The following PREX2 variants were observed in gnomAD, a reference collection of about 807,000 sequenced individuals.
PREX2 encodes the protein phosphatidylinositol-3,4,5-trisphosphate dependent Rac exchange factor 2.
In PREX2, 107 loss-of-function variants were observed where a neutral mutation model predicts 203.2. The observed-to-expected ratio is 0.53, with a 90% CI of 0.45 to 0.62. The LOEUF (loss-of-function observed/expected upper bound fraction) is 0.62, where lower values mean the gene tolerates loss of function less well. PREX2 is among the 20% of genes least tolerant of loss of function. The pLI is 0.00. For missense variants in PREX2, 1,777 were observed against 1,955.9 expected (o/e 0.91, Z 1.72); for synonymous variants, 672 against 663.6 (o/e 1.01, Z -0.19).
chr8:68,083,326 C>G lies in PREX2; in HGVS notation c.1965C>G (p.Phe655Leu). 6.2e-7 allele frequency: 1 copy of G among 1,611,314 alleles called. No homozygotes were observed. Among genetic ancestry groups the G allele is most frequent in the Non-Finnish European group, 8.5e-7 (1 of 1,178,100 alleles). ...FMRPFNEVDC[F>L]LKSCLNSRKP... is the part of the protein sequence containing the mutation. Reference sequence around the variant, plus strand: ...GACCTTTCAATGAAGTGGATTGCTTCCTGAAATCGTGTTTAAACAGCAGAA... The same window carrying G: ...GACCTTTCAATGAAGTGGATTGCTTGCTGAAATCGTGTTTAAACAGCAGAA... The change falls in exon 18 of 40, where the codon TTC becomes TTG. Residue 655 changes from phenylalanine to leucine, a missense_variant. By Grantham distance (22) the Phe-to-Leu change is conservative (BLOSUM62 0). Coordinates refer to ENST00000288368, the MANE Select transcript of PREX2 (RefSeq NM_024870.4).
At chr8:68,188,885 A>T (rs995159002) in intron 35 of PREX2, among the ~76,000 whole-genome samples, 7 of 152,220 alleles carry the variant, frequency 4.6e-5, no homozygotes, top group African/African-American at 1.7e-4. Flanking sequence ...AAAAATGTCA[A>T]GTTATTATTT....
intron 30 of PREX2, among the ~76,000 whole-genome samples, chr8:68,123,794 G>A (rs986848832): frequency 6.6e-6 from 1 of 150,678 alleles, no homozygotes; most frequent in Admixed American, 6.6e-5. Context: ...AAAAAAAAAA[G>A]CCTGGAACCA....
chr8:68,076,533 A>G (rs923424300), intron 14 of PREX2, among the ~76,000 whole-genome samples: 1 of 152,130 alleles, frequency 6.6e-6, no homozygotes, highest in Admixed American at 6.5e-5. Flanking sequence ...AAGAAACACC[A>G]TATGAAGGTA....
At chr8:68,064,767 T>G (rs1275540398) in intron 11 of PREX2, among the ~76,000 whole-genome samples, 1 of 152,200 alleles carries the variant, frequency 6.6e-6, no homozygotes, top group Non-Finnish European at 1.5e-5. Context: ...TATCTATTGC[T>G]TGTGTATAGT....
chr8:67,999,152 C>A (rs562993800), intron 1 of PREX2, among the ~76,000 whole-genome samples: 1 of 151,992 alleles, frequency 6.6e-6, no homozygotes, highest in African/African-American at 2.4e-5. Context: ...GATTGAGATA[C>A]AAAAACCATT....
intron 21 of PREX2, among the ~76,000 whole-genome samples, chr8:68,094,561 CTCTTA>C (rs897339887): frequency 1.2e-4 from 18 of 152,164 alleles, no homozygotes; most frequent in Admixed American, 7.9e-4. Flanking sequence ...CATGAATCAC[CTCTTA>C]TATTTTCTTG....
chr8:68,183,429 T>A (rs923812565), intron 35 of PREX2, among the ~76,000 whole-genome samples: 2 of 152,174 alleles, frequency 1.3e-5, no homozygotes, highest in African/African-American at 4.8e-5. Flanking sequence ...GCCTTTAATG[T>A]TTTTCCTAGG....
At chr8:68,076,130 T>G (rs2129611765) in intron 14 of PREX2, among the ~76,000 whole-genome samples, 1 of 152,300 alleles carries the variant, frequency 6.6e-6, no homozygotes, top group South Asian at 2.1e-4. Context: ...AAGAACAGTC[T>G]GTTTAGTTTT....
At chr8:68,229,098 AG>A (rs1256195464) in intron 39 of PREX2, among the ~76,000 whole-genome samples, 1 of 152,126 alleles carries the variant, frequency 6.6e-6, no homozygotes, top group Non-Finnish European at 1.5e-5. Context: ...ACCTTGAAAG[AG>A]GCGTTTACTT....
intron 23 of PREX2, among the ~76,000 whole-genome samples, chr8:68,106,636 A>G (rs1057040010): frequency 1.3e-5 from 2 of 152,156 alleles, no homozygotes; most frequent in African/African-American, 4.8e-5. Flanking sequence ...TATACATATA[A>G]GAGAGTCCCT....
intron 39 of PREX2, among the ~76,000 whole-genome samples, chr8:68,228,972 G>GA (rs60452917): frequency 8.5e-6 from 1 of 117,274 alleles, no homozygotes; most frequent in Non-Finnish European, 1.7e-5. Context: ...AAAAAAGAAA[G>GA]AAAAAAATGG....
At chr8:68,208,332 CTA>C (rs1352839466) in intron 37 of PREX2, among the ~76,000 whole-genome samples, 3 of 151,966 alleles carry the variant, frequency 2.0e-5, no homozygotes, top group Non-Finnish European at 4.4e-5. Flanking sequence ...ATTTCTTACT[CTA>C]GACATGAAAT....
intron 23 of PREX2, among the ~76,000 whole-genome samples, chr8:68,103,171 T>C (rs1175592713): frequency 1.3e-5 from 2 of 152,214 alleles, no homozygotes; most frequent in South Asian, 2.1e-4. Context: ...AAGTCCCTCC[T>C]TACTTATTAA....
At chr8:67,964,057 C>G (rs897558111) in intron 1 of PREX2, among the ~76,000 whole-genome samples, 1 of 152,090 alleles carries the variant, frequency 6.6e-6, no homozygotes, top group Non-Finnish European at 1.5e-5. Context: ...CTAGGTGTTT[C>G]CAATGGGTTA....
intron 18 of PREX2, among the ~76,000 whole-genome samples, chr8:68,084,919 TAG>T (rs1809636004): frequency 6.6e-6 from 1 of 152,254 alleles, no homozygotes; most frequent in Middle Eastern, 3.4e-3. Context: ...TTCCAACTGT[TAG>T]AGACTTTGAG....
At chr8:68,176,847 A>C (rs1811989143) in intron 35 of PREX2, 1 of 152,198 alleles carries the variant, frequency 6.6e-6, no homozygotes, top group South Asian at 2.1e-4. Flanking sequence ...CTTGCATGAA[A>C]TAGCTATGCA....
intron 37 of PREX2, among the ~76,000 whole-genome samples, chr8:68,206,723 A>G (rs1812632860): frequency 1.3e-5 from 2 of 152,296 alleles, no homozygotes; most frequent in South Asian, 4.1e-4. Flanking sequence ...TTGCTCATCC[A>G]TTTATTTGTT....
chr8:67,998,861 C>T (rs1806847894), intron 1 of PREX2, among the ~76,000 whole-genome samples: 1 of 152,230 alleles, frequency 6.6e-6, no homozygotes, highest in Non-Finnish European at 1.5e-5. Context: ...CACACTCCTA[C>T]TGCAGCTACT....
chr8:68,089,732 G>T (rs1000551166), intron 19 of PREX2, among the ~76,000 whole-genome samples: 1 of 152,178 alleles, frequency 6.6e-6, no homozygotes, highest in African/African-American at 2.4e-5. Flanking sequence ...TTTTCTTAAA[G>T]ATGTTTAATA....
Sources: allele counts gnomAD v4.1 joint callset (sites outside exome capture counted in the v4.1 genomes callset), GRCh38; gene constraint gnomAD v4.1.1; transcripts MANE v1.5; gene names NCBI Gene and HGNC (gene_info 2026-07-23, HGNC 2026-07-21).